PPM1B: variants seen among roughly 807,000 people sequenced by gnomAD.
The protein encoded by PPM1B is protein phosphatase 1B.
Under a neutral mutation model 43.0 loss-of-function variants are expected in PPM1B, and 22 were observed. That is an observed-to-expected ratio of 0.51 (90% CI 0.37 to 0.73). The LOEUF (loss-of-function observed/expected upper bound fraction) is 0.73. Among genes scored for constraint, PPM1B ranks in the 30% least tolerant of loss-of-function variants. The probability of loss-of-function intolerance (pLI) is 0.00; values close to 1 mark genes in which losing one functional copy is unlikely to be tolerated. For missense variants in PPM1B, 632 were observed against 584.2 expected, an observed-to-expected ratio of 1.08 and a Z score of -0.84; for synonymous variants, 217 against 197.9, an observed-to-expected ratio of 1.10 and a Z score of -0.81.
intron 3 of PPM1B, 73 bp downstream of exon 3, chr2:44,209,400 G>C: frequency 6.6e-7 from 1 of 1,509,078 alleles, no homozygotes; most frequent in South Asian, 1.3e-5. Flanking sequence ...TAGCACTTTT[G>C]TCGCCTGGGC....
At position 44,201,787 on chromosome 2, in the gene PPM1B, A is replaced by G; in HGVS notation, c.588A>G (p.Leu196=). ...TGATACAACGTGTTAATGGTTCATT[A>G]GCAGTATCTCGTGCTCTGGGGGACT... ...SVMIQRVNGS[L]AVSRALGDYD... Residue 196 remains leucine, a synonymous_variant, in exon 2 of 6, where the codon TTA becomes TTG. Coordinates refer to ENST00000282412, the MANE Select transcript of PPM1B (RefSeq NM_002706.6). The surrounding 1 kb of genome is among the most constrained non-coding windows in gnomAD (Gnocchi z 5.4). 2 of 1,614,244 alleles carry G rather than the reference A, an allele frequency of 1.2e-6. No homozygotes were observed. Among genetic ancestry groups the G allele is most frequent in the South Asian group, 2.2e-5 (2 of 91,086 alleles).
intron 1 of PPM1B, among the ~76,000 whole-genome samples, chr2:44,196,673 T>C (rs1394471466): frequency 6.6e-6 from 1 of 152,244 alleles, no homozygotes; most frequent in Non-Finnish European, 1.5e-5. Context: ...CCCATTCATT[T>C]ACGTATTCAG....
intron 1 of PPM1B, among the ~76,000 whole-genome samples, chr2:44,173,747 A>G (rs924824262): frequency 1.3e-5 from 2 of 152,166 alleles, no homozygotes; most frequent in African/African-American, 4.8e-5. Flanking sequence ...GTTCGAGACT[A>G]GCCTGGCCAA....
chr2:44,215,775 G>A (rs1039749593), intron 3 of PPM1B, among the ~76,000 whole-genome samples: 4 of 152,146 alleles, frequency 2.6e-5, no homozygotes, highest in Non-Finnish European at 5.9e-5. Flanking sequence ...AAATCTCATA[G>A]AATTTGTATT....
intron 2 of PPM1B, among the ~76,000 whole-genome samples, chr2:44,205,171 G>GT (rs538921811): frequency 4.4e-4 from 67 of 151,954 alleles, no homozygotes; most frequent in African/African-American, 1.6e-3. Flanking sequence ...AAAATAAAAA[G>GT]TTTTTTTAAT....
chr2:44,205,506 G>A (rs1011460829), intron 2 of PPM1B, among the ~76,000 whole-genome samples: 8 of 151,942 alleles, frequency 5.3e-5, no homozygotes, highest in Non-Finnish European at 7.4e-5. Context: ...TGATGTTTCT[G>A]CTTTCCAGTC....
At chr2:44,210,101 G>A (rs563075756) in intron 3 of PPM1B, among the ~76,000 whole-genome samples, 112 of 151,822 alleles carry the variant, frequency 7.4e-4, no homozygotes, top group Non-Finnish European at 1.3e-3. Flanking sequence ...CTCCCTTTTC[G>A]GGTTAATTAT....
chr2:44,232,415 TCAATA>T, downstream of PPM1B: 2 of 1,592,894 alleles, frequency 1.3e-6, no homozygotes, highest in Non-Finnish European at 1.7e-6. Context: ...ACAATTTTCT[TCAATA>T]CAAGGGGAAA....
downstream of PPM1B, among the ~76,000 whole-genome samples, chr2:44,244,865 T>A (rs1011131620): frequency 6.8e-6 from 1 of 146,750 alleles, no homozygotes; most frequent in Admixed American, 6.8e-5. Context: ...ATATAGTGTG[T>A]GTGTGTGTAT....
chr2:44,195,362 C>G (rs1331288766), intron 1 of PPM1B, among the ~76,000 whole-genome samples: 3 of 152,152 alleles, frequency 2.0e-5, no homozygotes, highest in Admixed American at 6.5e-5. Context: ...CGCCACCATG[C>G]TAGGCTAATA....
chr2:44,224,633 A>C (rs1017463910), intron 5 of PPM1B, among the ~76,000 whole-genome samples: 1 of 151,874 alleles, frequency 6.6e-6, no homozygotes, highest in African/African-American at 2.4e-5. Context: ...TATTTGGTGT[A>C]AGTTAGTATT....
At chr2:44,192,300 C>T (rs1572702393) in intron 1 of PPM1B, among the ~76,000 whole-genome samples, 1 of 152,046 alleles carries the variant, frequency 6.6e-6, no homozygotes, top group Non-Finnish European at 1.5e-5. Flanking sequence ...TCACTGCAAC[C>T]TCCATCTCCT....
chr2:44,201,702 A>G lies in PPM1B; in HGVS notation c.503A>G (p.Asp168Gly). The G allele has an allele frequency of 1.2e-6, 2 of 1,614,172 alleles. No homozygotes were observed. Among genetic ancestry groups the G allele is most frequent in the Non-Finnish European group, 1.7e-6 (2 of 1,180,016 alleles). ...RNGQVCFSTQ[D>G]HKPCNPREKE... The stretch of plus-strand genomic sequence containing the variant: ...GGACAAGTCTGCTTTTCTACCCAGG[A>G]TCACAAACCTTGCAATCCAAGGGAA... Residue 168 changes from aspartate to glycine, a missense_variant, in exon 2 of 6, where the codon GAT becomes GGT. Physicochemically the swap from Asp to Gly is moderately conservative, Grantham distance 94. This residue lies in a region of PPM1B where 40 missense variants were observed against 80.8 expected (regional missense o/e 0.50). Transcript: ENST00000282412. The surrounding 1 kb of genome is among the most constrained non-coding windows in gnomAD (Gnocchi z 5.4).
At chr2:44,200,200 G>GAGGT in intron 1 of PPM1B, among the ~76,000 whole-genome samples, 1 of 152,186 alleles carries the variant, frequency 6.6e-6, no homozygotes, top group East Asian at 1.9e-4. Flanking sequence ...GCAGCCCTAT[G>GAGGT]AGGTATAGGT....
intron 1 of PPM1B, among the ~76,000 whole-genome samples, chr2:44,195,003 T>G (rs1668593255): frequency 6.6e-6 from 1 of 150,434 alleles, no homozygotes; most frequent in Admixed American, 6.6e-5. Context: ...GTGATCTTCC[T>G]GCTTCAGCCT....
At chr2:44,236,523 A>ACC (rs1670629052), downstream of PPM1B, among the ~76,000 whole-genome samples, 2 of 151,978 alleles carry the variant, frequency 1.3e-5, no homozygotes, top group Non-Finnish European at 2.9e-5. Flanking sequence ...GTTTTTAATA[A>ACC]CAGGAGAAAT....
At position 44,230,937 on chromosome 2, in the gene PPM1B, A is replaced by G; in HGVS notation, c.*219A>G. ...TATGGATTTAATGAAATTATATGTCATTTCACATTGTATGCCAGAAATTAG... is the reference window on the plus strand; with the variant it reads ...TATGGATTTAATGAAATTATATGTCGTTTCACATTGTATGCCAGAAATTAG... On this transcript the variant is annotated 3_prime_UTR_variant, in exon 6 of 6. Coordinates refer to ENST00000282412, the MANE Select transcript of PPM1B (RefSeq NM_002706.6). 5 of 1,156,558 alleles carry G rather than the reference A, an allele frequency of 4.3e-6. No individual in the cohort carries two copies. Among genetic ancestry groups the G allele is most frequent in the Non-Finnish European group, 5.4e-6 (5 of 924,592 alleles). 71.6% of individuals were successfully genotyped at this position (1,156,558 alleles called of 1,614,324 possible).
chr2:44,202,795 A>G (rs964792286), intron 2 of PPM1B, among the ~76,000 whole-genome samples: 1 of 152,176 alleles, frequency 6.6e-6, no homozygotes, highest in Non-Finnish European at 1.5e-5. Context: ...AGTAATAGAA[A>G]AAAAGTCCAG....
chr2:44,210,603 ATTTG>A (rs958098013), intron 3 of PPM1B, among the ~76,000 whole-genome samples: 2 of 151,992 alleles, frequency 1.3e-5, no homozygotes, highest in African/African-American at 4.8e-5. Context: ...TAGATTCCTT[ATTTG>A]TTTATGTAAT....
Sources: allele counts gnomAD v4.1 joint callset (sites outside exome capture counted in the v4.1 genomes callset), GRCh38; gene constraint gnomAD v4.1.1; regional missense constraint gnomAD v4.1.1; non-coding constraint Gnocchi (gnomAD v3.1); transcripts MANE v1.5; gene names NCBI Gene and HGNC (gene_info 2026-07-23, HGNC 2026-07-21).